Variants in FMN1 observed in about 807,000 individuals in gnomAD.
FMN1 encodes the protein formin 1.
In FMN1, 110 loss-of-function variants were observed where a neutral mutation model predicts 132.4. The observed-to-expected ratio is 0.83, with a 90% CI of 0.71 to 0.97. The LOEUF (loss-of-function observed/expected upper bound fraction) is 0.97. Among genes scored for constraint, FMN1 ranks in the 50% least tolerant of loss-of-function variants. The pLI is 0.00. For synonymous variants in FMN1, 722 were observed against 651.7 expected (o/e 1.11, Z -1.64); for missense variants, 1,792 against 1,705.3 (o/e 1.05, Z -0.90).
At chr15:32,806,285 A>T (rs1042652939) in intron 17 of FMN1, among the ~76,000 whole-genome samples, 1 of 152,196 alleles carries the variant, frequency 6.6e-6, no homozygotes, top group African/African-American at 2.4e-5. Context: ...TGGCCCTACC[A>T]CTTACTATCT....
chr15:32,965,498 TA>T (rs2140621258), intron 8 of FMN1, among the ~76,000 whole-genome samples: 1 of 152,330 alleles, frequency 6.6e-6, no homozygotes, highest in Non-Finnish European at 1.5e-5. Flanking sequence ...CCATAACATC[TA>T]AAAGTATATA....
chr15:32,951,448 C>T (rs2061652008), intron 9 of FMN1, among the ~76,000 whole-genome samples: 1 of 152,030 alleles, frequency 6.6e-6, no homozygotes, highest in African/African-American at 2.4e-5. Flanking sequence ...CACACACACA[C>T]ACACACACAT....
At chr15:33,069,601 A>ACATGGCTCAAGTTAT (rs2037905451) in intron 5 of FMN1, among the ~76,000 whole-genome samples, 3 of 152,248 alleles carry the variant, frequency 2.0e-5, no homozygotes. Flanking sequence ...AGTACTAAAA[A>ACATGGCTCAAGTTAT]CAATCTAAGC....
At chr15:33,050,422 T>C (rs1008750932) in intron 6 of FMN1, among the ~76,000 whole-genome samples, 1 of 152,040 alleles carries the variant, frequency 6.6e-6, no homozygotes, top group African/African-American at 2.4e-5. Flanking sequence ...GAAAGCTTCT[T>C]CAAATCAGTA....
At chr15:32,982,046 A>C (rs1379520621) in intron 7 of FMN1, among the ~76,000 whole-genome samples, 2 of 152,166 alleles carry the variant, frequency 1.3e-5, no homozygotes, top group Admixed American at 6.5e-5. Flanking sequence ...AAGGAAAAAA[A>C]AATTCCCTCC....
chr15:32,838,891 T>C (rs888450048), intron 17 of FMN1, among the ~76,000 whole-genome samples: 8 of 152,142 alleles, frequency 5.3e-5, no homozygotes, highest in African/African-American at 1.9e-4. Context: ...GCAGTCCCCA[T>C]TATCTCATGC....
intron 16 of FMN1, among the ~76,000 whole-genome samples, chr15:32,861,091 T>C (rs1596108938): frequency 2.0e-5 from 3 of 152,302 alleles, no homozygotes; most frequent in Non-Finnish European, 2.9e-5. Context: ...TGGGAGGAGT[T>C]CCTTAAATTA....
At chr15:32,952,510 A>C (rs2140507753) in intron 9 of FMN1, among the ~76,000 whole-genome samples, 1 of 152,356 alleles carries the variant, frequency 6.6e-6, no homozygotes, top group South Asian at 2.1e-4. Flanking sequence ...CCCAAGGTGA[A>C]GGCTCCAAAA....
In FMN1 at chr15:32,848,042, A is replaced by G. The variant is rs138576741; in HGVS notation, c.3928+8973T>C. 1.7e-3 allele frequency among the ~76,000 whole-genome samples: 254 copies of G among 152,308 alleles called. 2 individuals carry two copies. Among genetic ancestry groups the G allele is most frequent in the African/African-American group, 5.8e-3 (240 of 41,568 alleles). The stretch of plus-strand genomic sequence containing the variant: ...AAGATCTTTACTCTCTCATTTTGGC[A>G]TATTCATAAAAGTGTACATTGAAGC... On this transcript the variant is annotated intron_variant, in intron 17 of 20. Transcript: ENST00000616417.
At chr15:32,945,581 G>C (rs776609797) in intron 9 of FMN1, among the ~76,000 whole-genome samples, 5 of 152,124 alleles carry the variant, frequency 3.3e-5, no homozygotes, top group Admixed American at 6.5e-5. Context: ...AAGAACACAT[G>C]CTAATAATTA....
chr15:33,194,060 T>C lies in FMN1; in HGVS notation c.-348A>G, dbSNP rs2140369357. On this transcript the variant is annotated splice_region_variant and 5_prime_UTR_variant, in exon 2 of 21. It removes an upstream start codon present in the reference 5' UTR. Transcript: ENST00000616417. ...AAGAAAACGGTGATGGTAAATGTCA[T>C]CTATAAACACAAGCAAAAAGCAGCA... 1 of 151,934 alleles carries C rather than the reference T, an allele frequency of 6.6e-6. No individual in the cohort carries two copies. The highest frequency in any genetic ancestry group is 1.5e-5 in the Non-Finnish European group (1 of 68,030). The allele number at this position is 151,934 out of a possible 1,614,324, so 9.4% of individuals were successfully genotyped here.
At chr15:32,805,772 T>A (rs2057657954) in intron 17 of FMN1, among the ~76,000 whole-genome samples, 1 of 151,180 alleles carries the variant, frequency 6.6e-6, no homozygotes, top group Non-Finnish European at 1.5e-5. Context: ...TTTGCAGCAG[T>A]GCTGCTCAGA....
chr15:32,945,627 G>A (rs1449123678), intron 9 of FMN1, among the ~76,000 whole-genome samples: 1 of 152,102 alleles, frequency 6.6e-6, no homozygotes, highest in Admixed American at 6.6e-5. Context: ...CAACAGAAAA[G>A]TTATTATCTT....
At chr15:33,190,739 T>C (rs1303714358) in intron 2 of FMN1, among the ~76,000 whole-genome samples, 2 of 152,190 alleles carry the variant, frequency 1.3e-5, no homozygotes. Flanking sequence ...GTGTGAGTAC[T>C]AGTATCCTGG....
chr15:33,018,681 G>A (rs772770839), intron 6 of FMN1, among the ~76,000 whole-genome samples: 6 of 152,178 alleles, frequency 3.9e-5, no homozygotes, highest in Admixed American at 6.5e-5. Context: ...CTGACTTCAA[G>A]AATGAAGCTG....
chr15:32,888,273 CTCTT>C lies in FMN1; in HGVS notation c.3730_3733del (p.Lys1244ValfsTer23). On this transcript the variant is annotated frameshift_variant, in exon 16 of 21. Transcript: ENST00000616417. LOFTEE classifies it high-confidence loss of function. ...CTGTGGTTCCGGCAAGGGGAAAACA[CTCTT>C]TTCTGTTCCAGCTTCCTAAGAGATA... 6.2e-7 allele frequency: 1 copy of C among 1,612,288 alleles called. No individual in the cohort carries two copies. The highest frequency in any genetic ancestry group is 8.5e-7 in the Non-Finnish European group (1 of 1,179,214).
At chr15:32,925,314 T>A (rs1489753300) in intron 10 of FMN1, among the ~76,000 whole-genome samples, 1 of 152,198 alleles carries the variant, frequency 6.6e-6, no homozygotes, top group Non-Finnish European at 1.5e-5. Flanking sequence ...CTCACTAACA[T>A]CACAGATAAC....
chr15:33,164,419 G>C (rs1290282214), intron 3 of FMN1, among the ~76,000 whole-genome samples: 1 of 152,088 alleles, frequency 6.6e-6, no homozygotes, highest in East Asian at 1.9e-4. Flanking sequence ...TAGAGGACGA[G>C]TTTCTGGCCA....
At chr15:33,147,330 A>C (rs934316449) in intron 4 of FMN1, among the ~76,000 whole-genome samples, 1 of 152,192 alleles carries the variant, frequency 6.6e-6, no homozygotes, top group Admixed American at 6.5e-5. Flanking sequence ...TGAGTTAACA[A>C]ATATATCCAA....
Sources: gnomAD v4.1 joint callset for allele counts (sites outside exome capture counted in the v4.1 genomes callset) on GRCh38, gnomAD v4.1.1 for gene constraint, MANE v1.5 for transcripts, NCBI Gene and HGNC (gene_info 2026-07-23, HGNC 2026-07-21) for gene names.